PDE5A: variants seen among roughly 807,000 people sequenced by gnomAD.
PDE5A encodes phosphodiesterase 5A.
A neutral mutation model predicts 110.2 loss-of-function variants in PDE5A; 67 were observed. That is an observed-to-expected ratio of 0.61 (90% CI 0.50 to 0.75). The LOEUF (loss-of-function observed/expected upper bound fraction) is 0.75. PDE5A is among the 30% of genes least tolerant of loss of function. PDE5A has a pLI of 0.00. For synonymous variants in PDE5A, 328 were observed against 351.2 expected (o/e 0.93, Z 0.74); for missense variants, 862 against 1,045.1 (o/e 0.82, Z 2.42).
At chr4:119,552,726 G>T in intron 8 of PDE5A, 89 bp from the exon 9 acceptor site, 1 of 637,544 alleles carries the variant, frequency 1.6e-6, no homozygotes, top group Non-Finnish European at 2.6e-6. Context: ...TGACACATTT[G>T]AAAGCACTAT....
intron 1 of PDE5A, among the ~76,000 whole-genome samples, chr4:119,609,832 C>T (rs943965073): frequency 3.3e-5 from 5 of 152,180 alleles, no homozygotes; most frequent in African/African-American, 4.8e-5. Flanking sequence ...ACTACCTTGA[C>T]TTAGCCATTC....
At chr4:119,573,378 T>C (rs920458606) in intron 3 of PDE5A, among the ~76,000 whole-genome samples, 10 of 152,242 alleles carry the variant, frequency 6.6e-5, no homozygotes, top group Admixed American at 6.5e-4. Flanking sequence ...GTCAATCTGA[T>C]GGGCATAAAA....
At chr4:119,517,631 G>A (rs914756624) in intron 14 of PDE5A, among the ~76,000 whole-genome samples, 15 of 144,006 alleles carry the variant, frequency 1.0e-4, no homozygotes, top group African/African-American at 2.8e-4. Context: ...AGAAGATGAC[G>A]TTTCTCCAGA....
chr4:119,515,517 C>T (rs1725879544), intron 14 of PDE5A, among the ~76,000 whole-genome samples: 1 of 152,030 alleles, frequency 6.6e-6, no homozygotes, highest in African/African-American at 2.4e-5. Context: ...TTCTAACTAC[C>T]ACCCTATTTA....
chr4:119,609,169 A>T (rs1729651303), intron 1 of PDE5A, among the ~76,000 whole-genome samples: 1 of 152,226 alleles, frequency 6.6e-6, no homozygotes, highest in African/African-American at 2.4e-5. Context: ...CTCAAAAAAA[A>T]AAATAAAAAA....
chr4:119,495,633 T>C lies in PDE5A; in HGVS notation c.*2968A>G, dbSNP rs11729521. ...CAGTTTTCTCCAAGAATCCAATATT[T>C]CCAGTATATTTTCATATACTTTCTT... On this transcript the variant is annotated 3_prime_UTR_variant, in exon 21 of 21. Coordinates refer to ENST00000354960, the MANE Select transcript of PDE5A (RefSeq NM_001083.4). 40,472 of 152,414 alleles carry C rather than the reference T, an allele frequency of 0.27. 5,483 individuals are homozygous for C. The highest frequency in any genetic ancestry group is 0.38 in the East Asian group (1,967 of 5,146). 9.4% of individuals were successfully genotyped at this position (152,414 alleles called of 1,614,324 possible).
At chr4:119,516,779 G>A (rs369089955) in intron 14 of PDE5A, among the ~76,000 whole-genome samples, 14 of 152,038 alleles carry the variant, frequency 9.2e-5, no homozygotes, top group African/African-American at 3.4e-4. Context: ...CACCACACCC[G>A]GCTAATGTTT....
intron 1 of PDE5A, among the ~76,000 whole-genome samples, chr4:119,616,878 T>C (rs1486224623): frequency 6.6e-6 from 1 of 152,170 alleles, no homozygotes; most frequent in African/African-American, 2.4e-5. Context: ...ATTTTACACA[T>C]ACTATGTGCT....
chr4:119,503,076 A>G (rs1196261201), intron 18 of PDE5A, among the ~76,000 whole-genome samples: 1 of 152,080 alleles, frequency 6.6e-6, no homozygotes, highest in East Asian at 1.9e-4. Flanking sequence ...AGGTAGGTAA[A>G]GATCACCTAA....
intron 1 of PDE5A, among the ~76,000 whole-genome samples, chr4:119,620,028 G>A (rs1452509127): frequency 2.6e-5 from 4 of 152,146 alleles, no homozygotes; most frequent in Non-Finnish European, 5.9e-5. Context: ...GATGGGGGTG[G>A]CCCTGGCATT....
intron 2 of PDE5A, among the ~76,000 whole-genome samples, chr4:119,603,404 A>G (rs974187963): frequency 6.7e-6 from 1 of 149,926 alleles, no homozygotes; most frequent in African/African-American, 2.4e-5. Context: ...ACATACATAC[A>G]TACATACATG....
chr4:119,510,101 C>A (rs1391113950), intron 15 of PDE5A, among the ~76,000 whole-genome samples: 3 of 151,994 alleles, frequency 2.0e-5, no homozygotes, highest in Non-Finnish European at 4.4e-5. Flanking sequence ...ATGGGAGAAG[C>A]CTACCAGTGC....
At chr4:119,591,056 T>A (rs967375403) in intron 3 of PDE5A, among the ~76,000 whole-genome samples, 1 of 152,140 alleles carries the variant, frequency 6.6e-6, no homozygotes. Flanking sequence ...TGAGGAAAAA[T>A]AGAGAAAAAC....
chr4:119,599,616 C>T (rs887561097), intron 2 of PDE5A, among the ~76,000 whole-genome samples: 53 of 150,904 alleles, frequency 3.5e-4, no homozygotes, highest in African/African-American at 1.1e-3. Flanking sequence ...GAAGATAAAT[C>T]AACAGAAAGT....
At chr4:119,558,806 A>C (rs1727631706) in intron 7 of PDE5A, among the ~76,000 whole-genome samples, 1 of 149,710 alleles carries the variant, frequency 6.7e-6, no homozygotes, top group South Asian at 2.1e-4. Flanking sequence ...AGTCCCAGCT[A>C]CTTGGGAGGC....
chr4:119,577,837 G>A (rs1468763839), intron 3 of PDE5A, among the ~76,000 whole-genome samples: 3 of 152,126 alleles, frequency 2.0e-5, no homozygotes, highest in Admixed American at 6.6e-5. Context: ...TTCTGGCCAG[G>A]GCAATCAGGC....
chr4:119,517,604 T>C lies in PDE5A; in HGVS notation c.2000+1441A>G, dbSNP rs958987392. Among the ~76,000 whole-genome samples the C allele has an allele frequency of 1.6e-4, 22 of 137,192 alleles. 1 individual carries two copies. Among genetic ancestry groups the C allele is most frequent in the African/African-American group, 5.9e-4 (22 of 37,324 alleles). 90.0% of individuals were successfully genotyped at this position (137,192 alleles called of 152,430 possible). A position where few individuals can be genotyped will look rare whatever the true frequency, so the allele number is the denominator to read the frequency against. ...CAGGATGTTTTCTTTTTCTTTTTCT[T>C]TCTTTTTTTTTTTTGGAGAAGATGA... On this transcript the variant is annotated intron_variant, in intron 14 of 20. Transcript: ENST00000354960.
intron 18 of PDE5A, among the ~76,000 whole-genome samples, chr4:119,503,744 C>T (rs1284272076): frequency 6.6e-6 from 1 of 152,086 alleles, no homozygotes; most frequent in Non-Finnish European, 1.5e-5. Flanking sequence ...TAAGTATGCT[C>T]AGCCTTTCAC....
chr4:119,567,018 T>G, intron 4 of PDE5A, 55 bp downstream of exon 4: 1 of 1,231,428 alleles, frequency 8.1e-7, no homozygotes, highest in Non-Finnish European at 1.2e-6. Context: ...GTGTATATAC[T>G]ATAAAGAGAA....
Sources: allele counts gnomAD v4.1 joint callset (sites outside exome capture counted in the v4.1 genomes callset), GRCh38; gene constraint gnomAD v4.1.1; transcripts MANE v1.5; gene names NCBI Gene and HGNC (gene_info 2026-07-23, HGNC 2026-07-21).